AGBL4: variants seen among roughly 807,000 people sequenced by gnomAD.
The protein encoded by AGBL4 is AGBL carboxypeptidase 4.
AGBL4 carries 58 observed loss-of-function variants against 66.4 expected under a neutral mutation model. That is an observed-to-expected ratio of 0.87 (90% CI 0.71 to 1.09). The LOEUF is 1.09. AGBL4 is among the 50% of genes least tolerant of loss of function. AGBL4 has a pLI of 0.00. For missense variants in AGBL4, 579 were observed against 631.0 expected (o/e 0.92, Z 0.88); for synonymous variants, 234 against 222.9 (o/e 1.05, Z -0.44).
chr1:49,265,052 C>A (rs905166195), intron 3 of AGBL4, among the ~76,000 whole-genome samples: 7 of 152,076 alleles, frequency 4.6e-5, no homozygotes, highest in Non-Finnish European at 8.8e-5. Flanking sequence ...ACAACATTTC[C>A]TTAAAATATT....
At chr1:49,218,754 T>C (rs1332836966) in intron 4 of AGBL4, among the ~76,000 whole-genome samples, 2 of 152,124 alleles carry the variant, frequency 1.3e-5, no homozygotes, top group African/African-American at 2.4e-5. Context: ...TCATCTTGAA[T>C]TGTAGCTCCC....
chr1:49,914,414 T>A (rs993946822), intron 1 of AGBL4, among the ~76,000 whole-genome samples: 2 of 152,196 alleles, frequency 1.3e-5, no homozygotes, highest in African/African-American at 4.8e-5. Flanking sequence ...CAGTTTCCAA[T>A]ACCTTTTCCT....
At chr1:49,793,392 G>C (rs1644650856) in intron 2 of AGBL4, among the ~76,000 whole-genome samples, 1 of 151,912 alleles carries the variant, frequency 6.6e-6, no homozygotes, top group South Asian at 2.1e-4. Context: ...CCCAGTCTTT[G>C]AGCACACCAG....
chr1:49,281,792 G>T (rs998409627), intron 3 of AGBL4, among the ~76,000 whole-genome samples: 1 of 152,198 alleles, frequency 6.6e-6, no homozygotes, highest in Non-Finnish European at 1.5e-5. Context: ...ACAAATGGAA[G>T]TGCTGGGAGG....
chr1:49,524,684 C>T (rs562485261), intron 3 of AGBL4, among the ~76,000 whole-genome samples: 19 of 151,880 alleles, frequency 1.3e-4, no homozygotes, highest in Non-Finnish European at 2.8e-4. Context: ...TACAATCCAT[C>T]CCTCTCTGCC....
At chr1:48,567,279 G>C (rs1031897781) in intron 11 of AGBL4, among the ~76,000 whole-genome samples, 5 of 152,168 alleles carry the variant, frequency 3.3e-5, no homozygotes, top group Non-Finnish European at 7.3e-5. Context: ...TCACCTCCAG[G>C]AAGTCATCTC....
Position 48,791,366 on chromosome 1 carries a change from C to A in AGBL4, c.634+75825G>T, listed in dbSNP as rs1645545985. On this transcript the variant is annotated intron_variant, in intron 6 of 13. Transcript: ENST00000371839. The stretch of plus-strand genomic sequence containing the variant: ...TGAATTAATTCTCTTCTCTAAATCA[C>A]CTTCCCCTTGGAGTCTATCTATAGT... Among the ~76,000 whole-genome samples the A allele has an allele frequency of 2.0e-5, 3 of 152,170 alleles. No individual in the cohort carries two copies. The South Asian group carries it at 6.2e-4, about 32-fold the overall frequency.
At chr1:48,716,431 G>C (rs1486467185) in intron 6 of AGBL4, among the ~76,000 whole-genome samples, 1 of 152,178 alleles carries the variant, frequency 6.6e-6, no homozygotes, top group African/African-American at 2.4e-5. Flanking sequence ...TCAAGTAAAG[G>C]CTTTGTGGGG....
intron 3 of AGBL4, among the ~76,000 whole-genome samples, chr1:49,673,648 G>GA (rs1355151660): frequency 6.6e-6 from 1 of 151,876 alleles, no homozygotes; most frequent in East Asian, 1.9e-4. Context: ...ATTTTCATTG[G>GA]AAAAAAATCA....
intron 6 of AGBL4, among the ~76,000 whole-genome samples, chr1:48,865,873 C>T (rs1037905907): frequency 6.6e-6 from 1 of 152,150 alleles, no homozygotes; most frequent in Non-Finnish European, 1.5e-5. Context: ...TCCCTCACCA[C>T]CACCTTAGGA....
At chr1:49,970,756 CAA>C (rs11308932) in intron 1 of AGBL4, among the ~76,000 whole-genome samples, 48 of 135,578 alleles carry the variant, frequency 3.5e-4, no homozygotes, top group Middle Eastern at 3.9e-3. Flanking sequence ...CATACACAAA[CAA>C]AAAAAAAAAA....
chr1:48,575,337 AG>A, intron 11 of AGBL4, among the ~76,000 whole-genome samples: 1 of 152,326 alleles, frequency 6.6e-6, no homozygotes, highest in South Asian at 2.1e-4. Context: ...CCGATCTCCC[AG>A]GAACACATCC....
At chr1:49,019,196 ACT>A (rs1178512817) in intron 5 of AGBL4, among the ~76,000 whole-genome samples, 1 of 151,752 alleles carries the variant, frequency 6.6e-6, no homozygotes, top group Non-Finnish European at 1.5e-5. Context: ...CTGTGGAAAA[ACT>A]CTGCTCTTGG....
chr1:48,802,901 A>G (rs533973483), intron 6 of AGBL4, among the ~76,000 whole-genome samples: 1 of 152,238 alleles, frequency 6.6e-6, no homozygotes, highest in East Asian at 1.9e-4. Context: ...TATTTCCACC[A>G]TAGACCTCTG....
chr1:49,580,070 T>G (rs1571095538), intron 3 of AGBL4, among the ~76,000 whole-genome samples: 1 of 152,282 alleles, frequency 6.6e-6, no homozygotes, highest in Middle Eastern at 3.4e-3. Context: ...AATAACCTTC[T>G]TTGTCTTTTT....
At chr1:48,721,789 G>A (rs113403294) in intron 6 of AGBL4, among the ~76,000 whole-genome samples, 18 of 152,278 alleles carry the variant, frequency 1.2e-4, no homozygotes, top group East Asian at 7.7e-4. Flanking sequence ...TCTCTGCTCC[G>A]TTGCTCTCCC....
chr1:49,861,161 G>C (rs1004472007), intron 1 of AGBL4, among the ~76,000 whole-genome samples: 1 of 152,122 alleles, frequency 6.6e-6, no homozygotes, highest in Non-Finnish European at 1.5e-5. Context: ...AAGGGCCAAA[G>C]TGCTCTTGGT....
chr1:49,941,926 A>T (rs1654798019), intron 1 of AGBL4, among the ~76,000 whole-genome samples: 1 of 152,128 alleles, frequency 6.6e-6, no homozygotes. Flanking sequence ...TCCAAAATGG[A>T]ATGTAAGTAA....
At chr1:49,889,256 T>C (rs1435179923) in intron 1 of AGBL4, among the ~76,000 whole-genome samples, 1 of 152,150 alleles carries the variant, frequency 6.6e-6, no homozygotes, top group Non-Finnish European at 1.5e-5. Flanking sequence ...GGAGGTTCAC[T>C]TGAGCCCAGG....
Sources: gnomAD v4.1 joint callset for allele counts (sites outside exome capture counted in the v4.1 genomes callset) on GRCh38, gnomAD v4.1.1 for gene constraint, MANE v1.5 for transcripts, NCBI Gene and HGNC (gene_info 2026-07-23, HGNC 2026-07-21) for gene names.